The following RAB3GAP1 variants were observed in gnomAD, a reference collection of about 807,000 sequenced individuals.
The protein encoded by RAB3GAP1 is RAB3 GTPase activating protein catalytic subunit 1.
A neutral mutation model predicts 130.7 loss-of-function variants in RAB3GAP1; 86 were observed. That is an observed-to-expected ratio of 0.66 (90% CI 0.55 to 0.79). The LOEUF is 0.79. RAB3GAP1 is among the 30% of genes least tolerant of loss of function. The pLI is 0.00. For missense variants in RAB3GAP1, 1,029 were observed against 1,169.4 expected (o/e 0.88, Z 1.75); for synonymous variants, 367 against 401.7 (o/e 0.91, Z 1.03).
intron 9 of RAB3GAP1, among the ~76,000 whole-genome samples, chr2:135,125,002 A>G (rs1691311748): frequency 6.6e-6 from 1 of 152,242 alleles, no homozygotes; most frequent in Non-Finnish European, 1.5e-5. Context: ...TTAAAAGTGT[A>G]CAATTCAATG....
At chr2:135,131,432 G>A (rs1245618086) in intron 13 of RAB3GAP1, among the ~76,000 whole-genome samples, 5 of 151,844 alleles carry the variant, frequency 3.3e-5, no homozygotes, top group East Asian at 3.9e-4. Context: ...GGGTTTCACC[G>A]TGTTAGCCAG....
At chr2:135,088,783 G>A (rs1337417657) in intron 3 of RAB3GAP1, among the ~76,000 whole-genome samples, 1 of 150,962 alleles carries the variant, frequency 6.6e-6, no homozygotes, top group South Asian at 2.1e-4. Flanking sequence ...ATTTGTTTAA[G>A]TTCTTTGTAG....
At chr2:135,109,301 A>C (rs1690723179) in intron 5 of RAB3GAP1, among the ~76,000 whole-genome samples, 1 of 152,128 alleles carries the variant, frequency 6.6e-6, no homozygotes, top group Admixed American at 6.5e-5. Flanking sequence ...CTTCCTATCC[A>C]TGAATATAGA....
At chr2:135,133,717 G>A (rs971826590) in intron 14 of RAB3GAP1, 144 bp from the exon 15 acceptor site, 22 of 678,000 alleles carry the variant, frequency 3.2e-5, no homozygotes, top group Non-Finnish European at 5.5e-5. Flanking sequence ...AGTTTATGCA[G>A]TAGTGTATTA....
At chr2:135,086,619 G>T (rs1426608918) in intron 3 of RAB3GAP1, among the ~76,000 whole-genome samples, 1 of 140,716 alleles carries the variant, frequency 7.1e-6, no homozygotes, top group Admixed American at 7.0e-5. Flanking sequence ...GCTTTTTCAG[G>T]TATGTATTTT....
chr2:135,106,026 C>T (rs1417616705), intron 5 of RAB3GAP1, among the ~76,000 whole-genome samples: 1 of 152,048 alleles, frequency 6.6e-6, no homozygotes, highest in African/African-American at 2.4e-5. Context: ...TGAGGAGCCC[C>T]TCCGCCCGGC....
chr2:135,176,292 T>A (rs551726341), exon 25 of RAB3GAP1: 1 of 152,194 alleles, frequency 6.6e-6, no homozygotes, highest in Non-Finnish European at 1.5e-5. Flanking sequence ...CAAAGAGATA[T>A]CTGCACTCCC....
At chr2:135,117,720 TCTG>T (rs1691060288) in intron 7 of RAB3GAP1, among the ~76,000 whole-genome samples, 38 of 148,884 alleles carry the variant, frequency 2.6e-4, no homozygotes, top group African/African-American at 3.5e-4. Flanking sequence ...TGCTTCTTCT[TCTG>T]CTTCTTCTTC....
chr2:135,131,335 C>T (rs1193455506), intron 13 of RAB3GAP1, among the ~76,000 whole-genome samples: 1 of 152,176 alleles, frequency 6.6e-6, no homozygotes, highest in Non-Finnish European at 1.5e-5. Context: ...AAGCAATTCT[C>T]CTGCCTCAGC....
intron 5 of RAB3GAP1, among the ~76,000 whole-genome samples, chr2:135,105,994 G>A (rs1251859795): frequency 1.3e-5 from 2 of 150,528 alleles, no homozygotes; most frequent in Admixed American, 6.6e-5. Flanking sequence ...CCCTCCGCCC[G>A]GCAGCTGCCC....
chr2:135,092,220 C>G (rs1690163204), intron 4 of RAB3GAP1, among the ~76,000 whole-genome samples: 2 of 152,126 alleles, frequency 1.3e-5, no homozygotes, highest in Non-Finnish European at 2.9e-5. Context: ...GAAGTGTGCG[C>G]AATTGTTGGG....
chr2:135,117,636 GCTTCTTCTTCTGCTT>G (rs1691046513), intron 7 of RAB3GAP1, among the ~76,000 whole-genome samples: 1 of 13,858 alleles, frequency 7.2e-5, no homozygotes, highest in Non-Finnish European at 1.7e-4. Context: ...TTCTGCTTCT[GCTTCTTCTTCTGCTT>G]CTGCTTCTTC....
At chr2:135,089,778 C>T in intron 3 of RAB3GAP1, 1 of 366,644 alleles carries the variant, frequency 2.7e-6, no homozygotes, top group Non-Finnish European at 5.4e-6. Context: ...AGTTCATGTC[C>T]TTTGTAGGGA....
intron 3 of RAB3GAP1, among the ~76,000 whole-genome samples, chr2:135,088,688 C>CAAAAA (rs1162700077): frequency 5.4e-5 from 3 of 55,508 alleles, no homozygotes; most frequent in African/African-American, 1.0e-4. Flanking sequence ...GACTCCATCT[C>CAAAAA]AAAAAAAAAA....
intron 5 of RAB3GAP1, among the ~76,000 whole-genome samples, chr2:135,110,140 CT>C (rs567522851): frequency 4.3e-4 from 62 of 143,518 alleles, no homozygotes; most frequent in Non-Finnish European, 4.3e-4. Context: ...GAGGTAAATC[CT>C]TTTTTTTTTT....
At chr2:135,081,327 A>AAATATAT (rs1363481112) in intron 3 of RAB3GAP1, among the ~76,000 whole-genome samples, 9 of 64,050 alleles carry the variant, frequency 1.4e-4, no homozygotes, top group East Asian at 1.1e-3. Context: ...AAAAAAAAAA[A>AAATATAT]ATATATATAT....
chr2:135,082,555 C>G (rs947586068), intron 3 of RAB3GAP1, among the ~76,000 whole-genome samples: 2 of 151,918 alleles, frequency 1.3e-5, no homozygotes, highest in African/African-American at 4.8e-5. Context: ...ATTCTCCTGC[C>G]TCAGCCTTCC....
chr2:135,108,322 T>G (rs1254656016), intron 5 of RAB3GAP1, among the ~76,000 whole-genome samples: 1 of 152,180 alleles, frequency 6.6e-6, no homozygotes, highest in African/African-American at 2.4e-5. Context: ...TCCTAATAAA[T>G]TTAAGTTACT....
intron 3 of RAB3GAP1, 116 bp downstream of exon 3, chr2:135,058,202 C>T: frequency 2.4e-6 from 2 of 825,492 alleles, no homozygotes; most frequent in Non-Finnish European, 4.1e-6. Context: ...TACGTATAAT[C>T]TATAAACATC....
Sources: allele counts gnomAD v4.1 joint callset (sites outside exome capture counted in the v4.1 genomes callset), GRCh38; gene constraint gnomAD v4.1.1; transcripts MANE v1.5; gene names NCBI Gene and HGNC (gene_info 2026-07-23, HGNC 2026-07-21).